Variants in SEL1L3 observed in about 807,000 individuals in gnomAD.
The protein encoded by SEL1L3 is SEL1L family member 3, also known as protein sel-1 homolog 3.
In SEL1L3, 76 loss-of-function variants were observed where a neutral mutation model predicts 142.8. The ratio of observed to expected loss-of-function variants is 0.53; its 90% CI spans 0.44 to 0.64. SEL1L3 has a LOEUF of 0.64. SEL1L3 is among the 30% of genes least tolerant of loss of function. The probability of loss-of-function intolerance (pLI) is 0.00; values close to 1 mark genes in which losing one functional copy is unlikely to be tolerated. For missense variants in SEL1L3, 1,262 were observed against 1,381.7 expected (o/e 0.91, Z 1.37); for synonymous variants, 504 against 519.6 (o/e 0.97, Z 0.41).
chr4:25,832,639 T>C (rs1053769139), intron 5 of SEL1L3, among the ~76,000 whole-genome samples: 8 of 152,112 alleles, frequency 5.3e-5, no homozygotes, highest in African/African-American at 1.9e-4. Flanking sequence ...GTACATCTGA[T>C]TACACTATAT....
intron 6 of SEL1L3, among the ~76,000 whole-genome samples, chr4:25,826,204 T>G (rs1342949810): frequency 6.6e-6 from 1 of 152,106 alleles, no homozygotes; most frequent in Non-Finnish European, 1.5e-5. Flanking sequence ...AGTAAACAGG[T>G]GTTGAATAAA....
At chr4:25,796,518 G>T (rs1231831435) in intron 11 of SEL1L3, among the ~76,000 whole-genome samples, 2 of 152,056 alleles carry the variant, frequency 1.3e-5, no homozygotes, top group Non-Finnish European at 2.9e-5. Context: ...AGTAAGTGTG[G>T]CCAGGTGCTC....
At chr4:25,725,958 C>T in the SEL1L3 span, among the ~76,000 whole-genome samples, 56,123 of 151,944 alleles carry the variant, frequency 0.37, 11,090 homozygotes, top group South Asian at 0.45. Flanking sequence ...TTATCAGCAG[C>T]GTCCTCGTGA....
intron 20 of SEL1L3, chr4:25,760,067 C>G (rs1321502113): frequency 1.3e-5 from 2 of 151,998 alleles, no homozygotes; most frequent in Non-Finnish European, 2.9e-5. Flanking sequence ...TTTCGTGATC[C>G]TCTCCCTCCT....
At chr4:25,767,914 G>T in intron 17 of SEL1L3, 84 bp from the exon 18 acceptor site, 2 of 815,272 alleles carry the variant, frequency 2.5e-6, no homozygotes, top group South Asian at 1.8e-5. Context: ...ACATAAGAGG[G>T]CACAAAATAA....
the SEL1L3 span, among the ~76,000 whole-genome samples, chr4:25,730,761 G>A: frequency 8.9e-4 from 136 of 152,112 alleles, 1 homozygote; most frequent in Non-Finnish European, 1.7e-3. Context: ...AGGCACGGTG[G>A]CTCACGCCTG....
chr4:25,773,440 T>C (rs1252418512), intron 17 of SEL1L3: 2 of 152,140 alleles, frequency 1.3e-5, no homozygotes, highest in African/African-American at 4.8e-5. Context: ...GTATGTATCA[T>C]ATATACTTCA....
At chr4:25,792,021 T>C (rs1192006886) in intron 11 of SEL1L3, among the ~76,000 whole-genome samples, 1 of 151,926 alleles carries the variant, frequency 6.6e-6, no homozygotes, top group Non-Finnish European at 1.5e-5. Context: ...AGGGGTCCTT[T>C]CCAGGGGGAC....
chr4:25,757,494 T>C, intron 23 of SEL1L3, 40 bp downstream of exon 23: 1 of 1,399,738 alleles, frequency 7.1e-7, no homozygotes, highest in Admixed American at 2.8e-5. Flanking sequence ...CTGCTTTTTT[T>C]TTTTTTAATA....
intron 13 of SEL1L3, among the ~76,000 whole-genome samples, chr4:25,786,173 T>C (rs1158659169): frequency 6.6e-6 from 1 of 152,202 alleles, no homozygotes; most frequent in African/African-American, 2.4e-5. Context: ...CTACCTGGAA[T>C]GAACCACAGC....
At chr4:25,761,050 A>G (rs1270963749) in intron 20 of SEL1L3, among the ~76,000 whole-genome samples, 1 of 152,192 alleles carries the variant, frequency 6.6e-6, no homozygotes, top group East Asian at 1.9e-4. Context: ...CTCTAAATAG[A>G]TGAAGCGTTA....
At chr4:25,782,925 G>C (rs927327421) in intron 14 of SEL1L3, among the ~76,000 whole-genome samples, 1 of 152,156 alleles carries the variant, frequency 6.6e-6, no homozygotes, top group Non-Finnish European at 1.5e-5. Flanking sequence ...TCTTTGCATG[G>C]TTCTGACAGT....
At chr4:25,798,423 C>A (rs995244770) in intron 11 of SEL1L3, among the ~76,000 whole-genome samples, 1 of 152,044 alleles carries the variant, frequency 6.6e-6, no homozygotes, top group South Asian at 2.1e-4. Flanking sequence ...TCATGAGACC[C>A]TCCATGGTGG....
At chr4:25,727,923 G>A in the SEL1L3 span, among the ~76,000 whole-genome samples, 2 of 152,110 alleles carry the variant, frequency 1.3e-5, no homozygotes, top group Non-Finnish European at 2.9e-5. Context: ...GATTCTGTGG[G>A]CCCTCAGCAA....
At chr4:25,714,271 T>A in the SEL1L3 span, among the ~76,000 whole-genome samples, 1 of 152,196 alleles carries the variant, frequency 6.6e-6, no homozygotes, top group Non-Finnish European at 1.5e-5. Context: ...GCGAAGATGA[T>A]CATTTTCTAT....
rs776243227 is a variant in SEL1L3 at position 25,759,042 on chromosome 4, G to A, written c.2982C>T (p.Ile994=). ...SQGFFNLALL[I]EEGTIIPHHI... is the part of the protein sequence containing the mutation. ...GGTGTGGGATTATCGTACCTTCCTC[G>A]ATTAGCAGGGCCAGGTTAAAAAATC... The change falls in exon 21 of 24, where the codon ATC becomes ATT. Residue 994 remains isoleucine (I), a synonymous_variant. Transcript: ENST00000399878. 4.0e-5 allele frequency: 64 copies of A among 1,613,324 alleles called. No homozygotes were observed. The highest frequency in any genetic ancestry group is 2.0e-4 in the South Asian group (18 of 90,918).
At chr4:25,831,951 C>T (rs1715476389) in intron 5 of SEL1L3, among the ~76,000 whole-genome samples, 1 of 152,194 alleles carries the variant, frequency 6.6e-6, no homozygotes, top group Admixed American at 6.5e-5. Context: ...TGAATCTGCA[C>T]TGATGATTTG....
At chr4:25,765,632 A>T (rs1293632392) in intron 19 of SEL1L3, among the ~76,000 whole-genome samples, 197 bp from the exon 20 acceptor site, 3 of 151,508 alleles carry the variant, frequency 2.0e-5, no homozygotes, top group Admixed American at 6.6e-5. Context: ...TTCTAGACAT[A>T]TTTTTTTTCT....
the SEL1L3 span, among the ~76,000 whole-genome samples, chr4:25,726,523 G>C: frequency 2.2e-4 from 22 of 99,854 alleles, no homozygotes; most frequent in South Asian, 9.8e-4. Flanking sequence ...GCAAGACTTG[G>C]TCTCAAAAAA....
Sources: gnomAD v4.1 joint callset for allele counts (sites outside exome capture counted in the v4.1 genomes callset) on GRCh38, gnomAD v4.1.1 for gene constraint, MANE v1.5 for transcripts, NCBI Gene and HGNC (gene_info 2026-07-23, HGNC 2026-07-21) for gene names.